Variants in TSEN2 observed in about 807,000 individuals in gnomAD.
TSEN2 encodes tRNA-splicing endonuclease subunit Sen2.
In TSEN2, 54 loss-of-function variants were observed where a neutral mutation model predicts 59.2. The observed-to-expected ratio is 0.91, with a 90% CI of 0.73 to 1.14. TSEN2 has a LOEUF of 1.14. TSEN2 is among the 50% of genes most tolerant of loss of function. The pLI is 0.00. For missense variants in TSEN2, 636 were observed against 576.2 expected (o/e 1.10, Z -1.06); for synonymous variants, 195 against 198.2 (o/e 0.98, Z 0.14).
chr3:12,506,553 C>A lies in TSEN2; in HGVS notation c.909+1322C>A, dbSNP rs192713370. Among the ~76,000 whole-genome samples the A allele has an allele frequency of 3.0e-3, 460 of 151,322 alleles. 2 individuals carry two copies. Among genetic ancestry groups the A allele is most frequent in the Non-Finnish European group, 5.3e-3 (358 of 67,898 alleles). On this transcript the variant is annotated intron_variant, in intron 6 of 11. Coordinates refer to ENST00000284995, the MANE Select transcript of TSEN2 (RefSeq NM_025265.4). ...GAGGCTTTAATGAACCGAGGTCACGCCACTGCACAAGCGAGATCCTGTTTC... is the reference window on the plus strand; with the variant it reads ...GAGGCTTTAATGAACCGAGGTCACGACACTGCACAAGCGAGATCCTGTTTC...
intron 6 of TSEN2, among the ~76,000 whole-genome samples, chr3:12,513,368 G>A (rs760102248): frequency 2.6e-5 from 4 of 152,206 alleles, no homozygotes; most frequent in Non-Finnish European, 5.9e-5. Context: ...GGTCATGCCT[G>A]TAATCTCAGT....
At chr3:12,538,562 G>A (rs1483320412), downstream of TSEN2, among the ~76,000 whole-genome samples, 1 of 152,122 alleles carries the variant, frequency 6.6e-6, no homozygotes, top group African/African-American at 2.4e-5. Flanking sequence ...ACACGAGGCG[G>A]TTATTGGTAC....
intron 4 of TSEN2, among the ~76,000 whole-genome samples, chr3:12,503,025 C>G (rs566936091): frequency 4.5e-4 from 68 of 151,976 alleles, no homozygotes; most frequent in African/African-American, 1.5e-3. Context: ...GAACCAAGAT[C>G]ACACCACTGC....
chr3:12,491,998 C>G lies in TSEN2; in HGVS notation c.190-138C>G, dbSNP rs574730115. The G allele has an allele frequency of 1.6e-5, 11 of 702,018 alleles. No individual in the cohort carries two copies. The African/African-American group carries it at 1.8e-4, about 11-fold the overall frequency. The allele number at this position is 702,018 out of a possible 1,614,324, so 43.5% of individuals were successfully genotyped here. The stretch of plus-strand genomic sequence containing the variant: ...GCACCATTTTATATCAGGGACTCGA[C>G]CATCTGCCGATTTTGGTATCCACCA... On this transcript the variant is annotated intron_variant, in intron 2 of 11. Transcript: ENST00000284995.
At chr3:12,492,248 A>T (rs754803761) in intron 3 of TSEN2, 31 bp downstream of exon 3, 88 of 1,560,946 alleles carry the variant, frequency 5.6e-5, no homozygotes, top group Non-Finnish European at 7.2e-5. Context: ...AGTTCTTTTG[A>T]CAAATTAATC....
chr3:12,511,440 T>C (rs2055444777), intron 6 of TSEN2, among the ~76,000 whole-genome samples: 3 of 152,168 alleles, frequency 2.0e-5, no homozygotes, highest in South Asian at 4.1e-4. Context: ...TTCATGGTGT[T>C]GAGACAGCTG....
intron 4 of TSEN2, among the ~76,000 whole-genome samples, chr3:12,501,068 A>G (rs2054237973): frequency 6.6e-6 from 1 of 152,236 alleles, no homozygotes; most frequent in Admixed American, 6.5e-5. Context: ...TGTAGAGCCA[A>G]TGCTTATGTT....
In TSEN2 at chr3:12,505,139, T is replaced by TA. The variant is rs2054677551; in HGVS notation, c.832-15_832-14insA. ...TTCCATTTGTTCTGTATATATTGTA[T>TA]TTCTTTCTCTTTAGTTGGTGCAAAG... On this transcript the variant is annotated splice_polypyrimidine_tract_variant and intron_variant, in intron 5 of 11. Coordinates refer to ENST00000284995, the MANE Select transcript of TSEN2 (RefSeq NM_025265.4). 8 of 1,518,648 alleles carry TA rather than the reference T, an allele frequency of 5.3e-6. No individual in the cohort carries two copies. The highest frequency in any genetic ancestry group is 7.3e-6 in the Non-Finnish European group (8 of 1,093,180). 94.1% of individuals were successfully genotyped at this position (1,518,648 alleles called of 1,614,324 possible).
intron 5 of TSEN2, among the ~76,000 whole-genome samples, chr3:12,504,286 A>G (rs2054593226): frequency 6.6e-6 from 1 of 152,242 alleles, no homozygotes; most frequent in African/African-American, 2.4e-5. Context: ...ATGAAGTCAT[A>G]TTAAGAACAT....
intron 10 of TSEN2, chr3:12,530,111 C>T (rs919688547): frequency 2.2e-5 from 31 of 1,405,534 alleles, no homozygotes; most frequent in Admixed American, 1.2e-4. Context: ...GCTCCAATGA[C>T]GGAGCTTTGG....
At chr3:12,488,452 C>T (rs1041967105) in intron 1 of TSEN2, among the ~76,000 whole-genome samples, 4 of 152,204 alleles carry the variant, frequency 2.6e-5, no homozygotes, top group Non-Finnish European at 4.4e-5. Flanking sequence ...GAATGTCTTG[C>T]ACCATTTACA....
chr3:12,502,363 A>C (rs2054353712), intron 4 of TSEN2, among the ~76,000 whole-genome samples: 1 of 151,556 alleles, frequency 6.6e-6, no homozygotes, highest in African/African-American at 2.4e-5. Flanking sequence ...CTGGCCAAAA[A>C]TTTGTGTTCA....
intron 1 of TSEN2, among the ~76,000 whole-genome samples, chr3:12,489,461 A>G (rs1042918883): frequency 1.3e-5 from 2 of 152,128 alleles, no homozygotes; most frequent in Non-Finnish European, 2.9e-5. Context: ...GTAGACAGAA[A>G]TCCTGTTGTG....
intron 5 of TSEN2, among the ~76,000 whole-genome samples, chr3:12,504,499 C>T (rs2054608923): frequency 6.6e-6 from 1 of 152,134 alleles, no homozygotes; most frequent in Non-Finnish European, 1.5e-5. Flanking sequence ...GGGAGGATTT[C>T]TTGAGCCTGG....
At chr3:12,507,298 G>GA (rs2054940762) in intron 6 of TSEN2, among the ~76,000 whole-genome samples, 1 of 152,208 alleles carries the variant, frequency 6.6e-6, no homozygotes. Context: ...CTACTGTATT[G>GA]AACAGCAGAT....
At chr3:12,500,864 A>G (rs1042321051) in intron 4 of TSEN2, among the ~76,000 whole-genome samples, 1 of 152,180 alleles carries the variant, frequency 6.6e-6, no homozygotes, top group African/African-American at 2.4e-5. Flanking sequence ...TCTGCTGCAA[A>G]GAGCAGAGCA....
intron 8 of TSEN2, among the ~76,000 whole-genome samples, chr3:12,527,728 G>A (rs761507061): frequency 3.8e-4 from 58 of 152,094 alleles, no homozygotes; most frequent in Admixed American, 1.8e-3. Flanking sequence ...CTGATTGGCG[G>A]CCCAATCAAC....
chr3:12,520,618 C>T (rs771992195), intron 8 of TSEN2, among the ~76,000 whole-genome samples: 55 of 151,964 alleles, frequency 3.6e-4, no homozygotes, highest in South Asian at 8.3e-4. Context: ...GGTGAAACCC[C>T]GTTTCTACTA....
At chr3:12,502,848 C>T (rs1300694955) in intron 4 of TSEN2, among the ~76,000 whole-genome samples, 4 of 151,742 alleles carry the variant, frequency 2.6e-5, no homozygotes, top group Non-Finnish European at 5.9e-5. Context: ...CCAAGGCGGG[C>T]GGATCGTGAG....
Sources: gnomAD v4.1 joint callset for allele counts (sites outside exome capture counted in the v4.1 genomes callset) on GRCh38, gnomAD v4.1.1 for gene constraint, MANE v1.5 for transcripts, NCBI Gene and HGNC (gene_info 2026-07-23, HGNC 2026-07-21) for gene names.